Variants in AFF3 observed in about 807,000 individuals in gnomAD.
AFF3 encodes the protein AF4/FMR2 family member 3.
Under a neutral mutation model 129.7 loss-of-function variants are expected in AFF3, and 32 were observed. The observed-to-expected ratio is 0.25, with a 90% CI of 0.19 to 0.33. AFF3 has a LOEUF of 0.33. Ranked by LOEUF, AFF3 falls within the 10% of genes least tolerant of loss-of-function variation. The pLI, the probability that AFF3 is intolerant of heterozygous loss-of-function variation, is 1.00. For synonymous variants in AFF3, 644 were observed against 635.4 expected (o/e 1.01, Z -0.20); for missense variants, 1,373 against 1,592.0 (o/e 0.86, Z 2.34).
intron 8 of AFF3, among the ~76,000 whole-genome samples, chr2:99,786,720 T>C (rs1192051690): frequency 2.0e-5 from 3 of 152,210 alleles, no homozygotes; most frequent in Non-Finnish European, 4.4e-5. Flanking sequence ...CTAATCCTTT[T>C]ATGCCAGCAT....
chr2:99,879,978 T>C (rs1213396475), intron 7 of AFF3, among the ~76,000 whole-genome samples: 4 of 152,244 alleles, frequency 2.6e-5, no homozygotes, highest in African/African-American at 7.2e-5. Flanking sequence ...GGTGGTCAGA[T>C]GGTTACGTGT....
At chr2:99,989,376 T>C (rs116462530) in intron 7 of AFF3, among the ~76,000 whole-genome samples, 1,610 of 152,264 alleles carry the variant, frequency 0.011, 32 homozygotes, top group African/African-American at 0.036. Context: ...TTTCAACATA[T>C]AAAATACAAA....
At chr2:99,708,015 T>C (rs1457688184) in intron 11 of AFF3, among the ~76,000 whole-genome samples, 2 of 152,184 alleles carry the variant, frequency 1.3e-5, no homozygotes, top group Non-Finnish European at 2.9e-5. Context: ...CAAATGAAAA[T>C]ACAGGATGCC....
At chr2:99,754,301 C>T (rs1681910750) in intron 8 of AFF3, among the ~76,000 whole-genome samples, 1 of 152,218 alleles carries the variant, frequency 6.6e-6, no homozygotes, top group South Asian at 2.1e-4. Flanking sequence ...CTGAGTCCAT[C>T]CCACTGCTAA....
intron 4 of AFF3, among the ~76,000 whole-genome samples, chr2:100,062,147 C>T (rs1434890473): frequency 6.6e-6 from 1 of 152,066 alleles, no homozygotes; most frequent in Non-Finnish European, 1.5e-5. Context: ...TCAGATGGAC[C>T]CAGCAGGGTC....
chr2:99,785,867 C>T (rs1684750051), intron 8 of AFF3, among the ~76,000 whole-genome samples: 1 of 152,192 alleles, frequency 6.6e-6, no homozygotes, highest in Non-Finnish European at 1.5e-5. Context: ...GCTGCCTCAG[C>T]CTCCCGGGTA....
intron 2 of AFF3, among the ~76,000 whole-genome samples, chr2:100,121,040 G>A (rs1424059488): frequency 2.0e-5 from 3 of 152,190 alleles, no homozygotes; most frequent in Admixed American, 6.5e-5. Flanking sequence ...GAAAAGGTCC[G>A]AAATATTTAT....
At chr2:99,824,560 C>G (rs1287804931) in intron 8 of AFF3, among the ~76,000 whole-genome samples, 2 of 152,188 alleles carry the variant, frequency 1.3e-5, no homozygotes, top group African/African-American at 2.4e-5. Flanking sequence ...ACTTTTATAA[C>G]TTTCTAAGGA....
At chr2:100,077,543 C>T (rs986236432) in intron 4 of AFF3, among the ~76,000 whole-genome samples, 1 of 152,158 alleles carries the variant, frequency 6.6e-6, no homozygotes, top group African/African-American at 2.4e-5. Flanking sequence ...TGATTTTCAG[C>T]ACTCTAAGAT....
In AFF3 at chr2:99,565,559, T is replaced by C. The variant is rs1429378779; in HGVS notation, c.3047A>G (p.Asn1016Ser). ...EAALSFIECG[N>S]AMEQGPMESK... ...TTCCATGGGGCCTTGTTCCATTGCATTTCCACACTCGATAAACGACAATGC... is the reference window on the plus strand; with the variant it reads ...TTCCATGGGGCCTTGTTCCATTGCACTTCCACACTCGATAAACGACAATGC... Residue 1016 changes from asparagine to serine, a missense_variant, in exon 20 of 25, where the codon AAT becomes AGT. By Grantham distance (46) the Asn-to-Ser change is conservative. Coordinates refer to ENST00000672756, the MANE Select transcript of AFF3 (RefSeq NM_001386135.1). 2.5e-6 allele frequency: 4 copies of C among 1,614,242 alleles called. 1 individual carries two copies. The South Asian group carries it at 3.3e-5, about 13-fold the overall frequency.
intron 11 of AFF3, among the ~76,000 whole-genome samples, chr2:99,719,379 G>A (rs1332102892): frequency 6.6e-6 from 1 of 152,098 alleles, no homozygotes; most frequent in Admixed American, 6.5e-5. Context: ...TTGCATCAGT[G>A]TTTGTGCAAA....
intron 4 of AFF3, among the ~76,000 whole-genome samples, chr2:100,084,191 C>A (rs1689250184): frequency 6.6e-6 from 1 of 152,210 alleles, no homozygotes; most frequent in Non-Finnish European, 1.5e-5. Flanking sequence ...CTCATTTAGT[C>A]AATAAACACT....
intron 18 of AFF3, chr2:99,572,780 A>G: frequency 2.6e-6 from 1 of 389,720 alleles, no homozygotes; most frequent in South Asian, 1.9e-5. Context: ...AGTGAAGACT[A>G]TGGATGAGGG....
intron 24 of AFF3, among the ~76,000 whole-genome samples, chr2:99,553,228 A>G (rs1327361356): frequency 6.6e-6 from 1 of 152,036 alleles, no homozygotes; most frequent in Non-Finnish European, 1.5e-5. Context: ...GCCCTGTTCC[A>G]TGGTTCCATG....
intron 8 of AFF3, among the ~76,000 whole-genome samples, chr2:99,832,276 A>G (rs926808880): frequency 6.6e-6 from 1 of 152,226 alleles, no homozygotes; most frequent in African/African-American, 2.4e-5. Flanking sequence ...GACGTGCATC[A>G]AAATGAAACA....
intron 20 of AFF3, among the ~76,000 whole-genome samples, chr2:99,563,513 G>T (rs1276655097): frequency 6.6e-6 from 1 of 150,876 alleles, no homozygotes; most frequent in African/African-American, 2.4e-5. Flanking sequence ...TTCTAATGTA[G>T]GTTGAAAAAA....
intron 8 of AFF3, among the ~76,000 whole-genome samples, chr2:99,759,847 C>T (rs1682435496): frequency 6.6e-6 from 1 of 152,206 alleles, no homozygotes; most frequent in Non-Finnish European, 1.5e-5. Context: ...GGCGAATGGA[C>T]TATCCTGATT....
intron 7 of AFF3, among the ~76,000 whole-genome samples, chr2:99,903,018 A>G (rs945235178): frequency 2.0e-5 from 3 of 152,202 alleles, no homozygotes; most frequent in Admixed American, 6.5e-5. Context: ...AGGCATAACA[A>G]TGAGTTTCAT....
rs777991900 is a variant in AFF3, at chr2:99,797,295, GA to G, written c.921+40181del. Among the ~76,000 whole-genome samples, 37 of 152,208 alleles carry G rather than the reference GA, an allele frequency of 2.4e-4. 1 individual carries two copies. Among genetic ancestry groups the G allele is most frequent in the South Asian group, 1.7e-3 (8 of 4,824 alleles). Reference sequence around the variant, plus strand: ...TTTCATCTAGAGATGAAAACTATATGAAATGCAAATATACATTGAATGCAAT... The same window carrying G: ...TTTCATCTAGAGATGAAAACTATATGAATGCAAATATACATTGAATGCAAT... On this transcript the variant is annotated intron_variant, in intron 8 of 24. Transcript: ENST00000672756.
Sources: gnomAD v4.1 joint callset for allele counts (sites outside exome capture counted in the v4.1 genomes callset) on GRCh38, gnomAD v4.1.1 for gene constraint, MANE v1.5 for transcripts, NCBI Gene and HGNC (gene_info 2026-07-23, HGNC 2026-07-21) for gene names.